MILR1: variants seen among roughly 807,000 people sequenced by gnomAD.
MILR1 encodes allergin-1.
MILR1 carries 31 observed loss-of-function variants against 18.5 expected under a neutral mutation model. That is an observed-to-expected ratio of 1.68 (90% CI 1.26 to 2.26). The LOEUF is 2.26. Ranked by LOEUF, MILR1 falls within the 30% of genes most tolerant of loss-of-function variation. The pLI, the probability that MILR1 is intolerant of heterozygous loss-of-function variation, is 0.00. For synonymous variants in MILR1, 85 were observed against 56.2 expected (o/e 1.51, Z -2.30); for missense variants, 257 against 157.4 (o/e 1.63, Z -3.38).
chr17:64,489,090 G>C, the MILR1 span, among the ~76,000 whole-genome samples: 1 of 146,962 alleles, frequency 6.8e-6, no homozygotes, highest in Non-Finnish European at 1.5e-5. Flanking sequence ...CAGCAGCACA[G>C]TCTTGGCTCA....
chr17:64,464,070 C>G (rs1031499514), intron 5 of MILR1, among the ~76,000 whole-genome samples: 1 of 151,694 alleles, frequency 6.6e-6, no homozygotes, highest in East Asian at 1.9e-4. Flanking sequence ...GATCCGCCCA[C>G]CGCGGCCTCC....
chr17:64,457,257 G>A (rs902962518), intron 3 of MILR1, 143 bp from the exon 4 acceptor site: 207 of 398,066 alleles, frequency 5.2e-4, no homozygotes, highest in Non-Finnish European at 6.5e-4. Flanking sequence ...CCAGTGGGCC[G>A]TGAGCTTCTT....
chr17:64,460,057 TCTCA>T (rs1250272483), intron 4 of MILR1, among the ~76,000 whole-genome samples: 4 of 147,820 alleles, frequency 2.7e-5, no homozygotes, highest in African/African-American at 1.0e-4. Flanking sequence ...TGAGATGGAG[TCTCA>T]CTCACCCAGT....
In MILR1 at chr17:64,468,639, A is replaced by C. The variant is rs1206228734; in HGVS notation, c.*358A>C. 8.9e-7 allele frequency: 1 copy of C among 1,127,234 alleles called. No individual in the cohort carries two copies. Among genetic ancestry groups the C allele is most frequent in the Admixed American group, 4.7e-5 (1 of 21,196 alleles). The allele number at this position is 1,127,234 out of a possible 1,614,324, so 69.8% of individuals were successfully genotyped here. A position where few individuals can be genotyped will look rare whatever the true frequency, so the allele number is the denominator to read the frequency against. On this transcript the variant is annotated 3_prime_UTR_variant, in exon 10 of 10. Coordinates refer to ENST00000619286, the MANE Select transcript of MILR1 (RefSeq NM_001085423.2). ...TCTCCAAGAATAAATTCATCCGAACATGCATCCTTCTCTGAGCCTTCTGAC... is the reference window on the plus strand; with the variant it reads ...TCTCCAAGAATAAATTCATCCGAACCTGCATCCTTCTCTGAGCCTTCTGAC...
chr17:64,460,319 C>T (rs1262335203), intron 4 of MILR1, among the ~76,000 whole-genome samples: 4 of 151,936 alleles, frequency 2.6e-5, no homozygotes, highest in Non-Finnish European at 4.4e-5. Flanking sequence ...AGCCACTGAG[C>T]TCAACCTATT....
Position 64,466,646 on chromosome 17 carries a change from G to A in MILR1, c.963G>A (p.Val321=). The part of the protein sequence containing the change: ...LQYATPVFQE[V]APREQEACDS... ...ATGCCACCCCCGTGTTCCAGGAGGT[G>A]GCACCAAGAGAGCAAGGTGAGCCAC... The change falls in exon 8 of 10, where the codon GTG becomes GTA. Residue 321 remains valine, a synonymous_variant. Transcript: ENST00000619286. 6.2e-7 allele frequency: 1 copy of A among 1,608,694 alleles called. No individual in the cohort carries two copies. The highest frequency in any genetic ancestry group is 8.5e-7 in the Non-Finnish European group (1 of 1,177,632).
chr17:64,486,994 C>A, the MILR1 span: 1 of 151,962 alleles, frequency 6.6e-6, no homozygotes, highest in African/African-American at 2.4e-5. Flanking sequence ...CCACTTTCAT[C>A]TTTCTTTTTT....
At chr17:64,456,083 T>C (rs2037294194) in intron 3 of MILR1, among the ~76,000 whole-genome samples, 1 of 151,984 alleles carries the variant, frequency 6.6e-6, no homozygotes, top group Admixed American at 6.6e-5. Context: ...TGTTTTTAAG[T>C]GTGGACTCTT....
chr17:64,486,035 G>A, the MILR1 span, among the ~76,000 whole-genome samples: 1 of 152,122 alleles, frequency 6.6e-6, no homozygotes, highest in Admixed American at 6.5e-5. Context: ...TCCTGCCTCA[G>A]CCTCCTGAGT....
chr17:64,464,116 ATTTTTTTTTT>A (rs1182677616), intron 5 of MILR1, among the ~76,000 whole-genome samples: 1 of 100,858 alleles, frequency 9.9e-6, no homozygotes, highest in East Asian at 2.7e-4. Flanking sequence ...CGCGCCTGAC[ATTTTTTTTTT>A]TTTTTTTTTT....
chr17:64,487,575 C>T, the MILR1 span: 3 of 140,034 alleles, frequency 2.1e-5, no homozygotes, highest in Non-Finnish European at 4.6e-5. Context: ...CATTGTGCCA[C>T]TATACTCCAG....
the MILR1 span, chr17:64,490,650 G>A: frequency 1.5e-6 from 1 of 680,880 alleles, no homozygotes; most frequent in South Asian, 1.6e-5. Context: ...TGACTGGATT[G>A]TAGTTATGTA....
the MILR1 span, among the ~76,000 whole-genome samples, chr17:64,476,373 T>C: frequency 1.3e-5 from 2 of 152,266 alleles, no homozygotes; most frequent in African/African-American, 4.8e-5. Context: ...GTAGCTGCTA[T>C]CTGCCTTGAA....
At chr17:64,468,812 C>T (rs543112728), downstream of MILR1, among the ~76,000 whole-genome samples, 1 of 151,208 alleles carries the variant, frequency 6.6e-6, no homozygotes, top group South Asian at 2.2e-4. Flanking sequence ...TGGCCGGGCA[C>T]GGTGGCTCAC....
At chr17:64,471,025 C>A (rs1555664492), downstream of MILR1, among the ~76,000 whole-genome samples, 4 of 152,136 alleles carry the variant, frequency 2.6e-5, no homozygotes, top group African/African-American at 9.7e-5. Context: ...CTACCTATCA[C>A]CAGCAAGGGA....
chr17:64,489,458 T>C, the MILR1 span, among the ~76,000 whole-genome samples: 404 of 151,490 alleles, frequency 2.7e-3, 3 homozygotes, highest in African/African-American at 9.4e-3. Context: ...CTGCAACCAG[T>C]AAGGCAAAAT....
chr17:64,485,667 TA>T, the MILR1 span: 1 of 1,311,840 alleles, frequency 7.6e-7, no homozygotes, highest in Non-Finnish European at 1.1e-6. Flanking sequence ...ACACTAACAT[TA>T]AGAACAAACA....
the MILR1 span, chr17:64,491,057 C>T: frequency 1.4e-5 from 15 of 1,050,040 alleles, no homozygotes; most frequent in Admixed American, 5.3e-5. Flanking sequence ...TTAAATTGTC[C>T]GATACTTTTT....
intron 2 of MILR1, among the ~76,000 whole-genome samples, chr17:64,450,572 T>A (rs1317224985): frequency 0.02 from 2,984 of 151,858 alleles, 90 homozygotes; most frequent in African/African-American, 0.067. Flanking sequence ...CTCCGCCTCC[T>A]GGGTTCAAGG....
Sources: allele counts gnomAD v4.1 joint callset (sites outside exome capture counted in the v4.1 genomes callset), GRCh38; gene constraint gnomAD v4.1.1; transcripts MANE v1.5; gene names NCBI Gene and HGNC (gene_info 2026-07-23, HGNC 2026-07-21).